The following TCF25 variants were observed in gnomAD, a reference collection of about 807,000 sequenced individuals.
TCF25 encodes the protein ribosome quality control complex subunit TCF25.
Under a neutral mutation model 83.1 loss-of-function variants are expected in TCF25, and 41 were observed. That is an observed-to-expected ratio of 0.49 (90% CI 0.38 to 0.64). The LOEUF is 0.64. Among genes scored for constraint, TCF25 ranks in the 30% least tolerant of loss-of-function variants. The pLI is 0.00. For synonymous variants in TCF25, 458 were observed against 365.0 expected, an observed-to-expected ratio of 1.25 and a Z score of -2.90; for missense variants, 979 against 914.5, an observed-to-expected ratio of 1.07 and a Z score of -0.91.
Position 89,906,195 on chromosome 16 carries a change from C to A in TCF25, c.1630C>A (p.Arg544=), listed in dbSNP as rs774624089. 4.3e-6 allele frequency: 7 copies of A among 1,612,922 alleles called. 1 individual carries two copies. The South Asian group carries it at 6.6e-5, about 15-fold the overall frequency. ...DPAVEACENR[R]KVLYQRAPRN... ...TGCCTTGTTTCTCCCCGGCCCTAGG[C>A]GGAAGGTGCTCTACCAGCGTGCACC... Residue 544 remains arginine (R), a splice_region_variant and synonymous_variant, in exon 15 of 18, where the codon CGG becomes AGG. Transcript: ENST00000263346.
intron 1 of TCF25, among the ~76,000 whole-genome samples, chr16:89,876,778 A>C (rs971241136): frequency 2.6e-5 from 4 of 152,126 alleles, no homozygotes; most frequent in Non-Finnish European, 4.4e-5. Flanking sequence ...AGTACAAAAA[A>C]ATTAGCCGGG....
chr16:89,885,901 T>G lies in TCF25; in HGVS notation c.483T>G (p.Thr161=). 6.2e-7 allele frequency: 1 copy of G among 1,614,156 alleles called. No individual in the cohort carries two copies. Among genetic ancestry groups the G allele is most frequent in the Non-Finnish European group, 8.5e-7 (1 of 1,180,028 alleles). Residue 161 remains threonine, a synonymous_variant, in exon 4 of 18, where the codon ACT becomes ACG. Transcript: ENST00000263346. ...TCCTAGAGAGGATTGAGGACAGCACTGGGTTGAACCGTCCCGGCCCAGCTC... is the reference window on the plus strand; with the variant it reads ...TCCTAGAGAGGATTGAGGACAGCACGGGGTTGAACCGTCCCGGCCCAGCTC... The part of the protein sequence containing the change: ...DRILERIEDS[T]GLNRPGPAPL...
At chr16:89,878,412 TCC>T in intron 1 of TCF25, 1 of 1,221,424 alleles carries the variant, frequency 8.2e-7, no homozygotes, top group South Asian at 1.4e-5. Flanking sequence ...ATGGTGAAAC[TCC>T]GTCTCTATTA....
chr16:89,896,672 G>C (rs2043881007), intron 9 of TCF25, among the ~76,000 whole-genome samples: 2 of 151,278 alleles, frequency 1.3e-5, no homozygotes, highest in Non-Finnish European at 2.9e-5. Flanking sequence ...TCCTGCCTCA[G>C]GCTCCCGAGT....
chr16:89,877,395 A>C (rs189372643), intron 1 of TCF25, among the ~76,000 whole-genome samples: 105 of 152,266 alleles, frequency 6.9e-4, no homozygotes, highest in African/African-American at 2.3e-3. Context: ...TTTGAAAGCC[A>C]GTGTGCTGGG....
chr16:89,896,235 A>C, intron 9 of TCF25, 152 bp downstream of exon 9: 1 of 651,510 alleles, frequency 1.5e-6, no homozygotes, highest in Non-Finnish European at 2.7e-6. Flanking sequence ...CTCTGGGCTT[A>C]AGGATAGAGG....
chr16:89,908,864 C>A, intron 16 of TCF25: 1 of 1,201,014 alleles, frequency 8.3e-7, no homozygotes, highest in Non-Finnish European at 1.1e-6. Flanking sequence ...TCTCCTGCAG[C>A]TCTGAGGTCA....
intron 1 of TCF25, among the ~76,000 whole-genome samples, chr16:89,880,395 C>T (rs1361113889): frequency 6.6e-6 from 1 of 152,076 alleles, no homozygotes; most frequent in African/African-American, 2.4e-5. Flanking sequence ...ACCAGCCTGG[C>T]CAACATGATG....
chr16:89,880,158 G>T (rs558976456), intron 1 of TCF25, among the ~76,000 whole-genome samples: 3 of 130,610 alleles, frequency 2.3e-5, no homozygotes, highest in African/African-American at 7.6e-5. Context: ...CCCATCACGC[G>T]TGCTGTCCGT....
intron 4 of TCF25, among the ~76,000 whole-genome samples, chr16:89,887,297 C>G (rs1224806321): frequency 6.6e-6 from 1 of 151,916 alleles, no homozygotes; most frequent in African/African-American, 2.4e-5. Context: ...GAAATTATTG[C>G]CAGCTTAAAA....
At chr16:89,896,549 ATTTTTTTTTTTTT>A (rs869089266) in intron 9 of TCF25, among the ~76,000 whole-genome samples, 1 of 112,402 alleles carries the variant, frequency 8.9e-6, no homozygotes, top group African/African-American at 4.0e-5. Context: ...TCAAAACAGC[ATTTTTTTTTTTTT>A]TTTTTTTTTG....
intron 11 of TCF25, among the ~76,000 whole-genome samples, chr16:89,899,857 C>T (rs1017791509): frequency 6.6e-5 from 10 of 152,150 alleles, no homozygotes; most frequent in Admixed American, 4.6e-4. Flanking sequence ...GGGGAGAAGG[C>T]GACAGCTCTT....
At chr16:89,888,565 G>T (rs1323202877) in intron 5 of TCF25, among the ~76,000 whole-genome samples, 1 of 150,312 alleles carries the variant, frequency 6.7e-6, no homozygotes, top group East Asian at 1.9e-4. Flanking sequence ...TCCAGCCTGG[G>T]CAACGAGAGC....
At chr16:89,896,187 AC>A in intron 9 of TCF25, 104 bp downstream of exon 9, 1 of 1,014,290 alleles carries the variant, frequency 9.9e-7, no homozygotes, top group Non-Finnish European at 1.5e-6. Flanking sequence ...TCCAGGGTGG[AC>A]CAGGGCCCAC....
intron 16 of TCF25, chr16:89,909,381 C>T (rs1165036105): frequency 1.2e-5 from 4 of 328,914 alleles, no homozygotes; most frequent in Non-Finnish European, 2.4e-5. Flanking sequence ...CGTGGTGCCG[C>T]ACACCTGTAG....
At chr16:89,878,313 C>T (rs561131585) in intron 1 of TCF25, 22 of 587,248 alleles carry the variant, frequency 3.7e-5, no homozygotes, top group South Asian at 2.9e-4. Context: ...AGGCTGGGTG[C>T]GGTGGCTCAT....
At chr16:89,886,218 G>C in intron 4 of TCF25, 1 of 440,092 alleles carries the variant, frequency 2.3e-6, no homozygotes, top group South Asian at 1.8e-5. Flanking sequence ...ATGAGGTCAG[G>C]AGATCGAGAC....
intron 16 of TCF25, 69 bp from the exon 17 acceptor site, chr16:89,910,522 C>T (rs970888784): frequency 5.0e-5 from 78 of 1,552,778 alleles, no homozygotes; most frequent in African/African-American, 1.4e-4. Flanking sequence ...CAGGCAGCCC[C>T]GTGAGCCGGG....
chr16:89,886,414 C>A (rs558054659), intron 4 of TCF25, among the ~76,000 whole-genome samples: 1 of 135,410 alleles, frequency 7.4e-6, no homozygotes, highest in Non-Finnish European at 1.6e-5. Flanking sequence ...GGCAACACTG[C>A]GAGACTGTGT....
Sources: gnomAD v4.1 joint callset for allele counts (sites outside exome capture counted in the v4.1 genomes callset) on GRCh38, gnomAD v4.1.1 for gene constraint, MANE v1.5 for transcripts, NCBI Gene and HGNC (gene_info 2026-07-23, HGNC 2026-07-21) for gene names.